RUNDC3B: variants seen among roughly 807,000 people sequenced by gnomAD.
RUNDC3B encodes RUN domain-containing protein 3B.
Under a neutral mutation model 58.4 loss-of-function variants are expected in RUNDC3B, and 33 were observed. The ratio of observed to expected loss-of-function variants is 0.56; its 90% CI spans 0.43 to 0.75. The LOEUF (loss-of-function observed/expected upper bound fraction) is 0.75. Among genes scored for constraint, RUNDC3B ranks in the 30% least tolerant of loss-of-function variants. RUNDC3B has a pLI of 0.00. For synonymous variants in RUNDC3B, 193 were observed against 195.2 expected, an observed-to-expected ratio of 0.99 and a Z score of 0.10; for missense variants, 501 against 535.7, an observed-to-expected ratio of 0.94 and a Z score of 0.64.
chr7:87,758,485 C>T (rs1833496308), intron 6 of RUNDC3B, among the ~76,000 whole-genome samples: 1 of 152,112 alleles, frequency 6.6e-6, no homozygotes, highest in Non-Finnish European at 1.5e-5. Flanking sequence ...GGGATTCCAT[C>T]AAGTTGAAAA....
chr7:87,649,439 A>G (rs1179082649), intron 1 of RUNDC3B, among the ~76,000 whole-genome samples: 1 of 152,172 alleles, frequency 6.6e-6, no homozygotes, highest in Non-Finnish European at 1.5e-5. Flanking sequence ...TTGAAAACAC[A>G]AATGGTAGCA....
At chr7:87,702,160 A>AAAAAC (rs1829129565) in intron 3 of RUNDC3B, among the ~76,000 whole-genome samples, 1 of 150,106 alleles carries the variant, frequency 6.7e-6, no homozygotes, top group African/African-American at 2.4e-5. Context: ...AAAAAAAAAA[A>AAAAAC]AAAAAAAAAA....
chr7:87,647,483 A>C (rs569542796), intron 1 of RUNDC3B, among the ~76,000 whole-genome samples: 16 of 152,296 alleles, frequency 1.1e-4, no homozygotes, highest in African/African-American at 3.8e-4. Flanking sequence ...ACATGTAAAC[A>C]TTGCTACATT....
intron 2 of RUNDC3B, among the ~76,000 whole-genome samples, chr7:87,690,699 C>T (rs1411935289): frequency 2.0e-5 from 3 of 152,110 alleles, no homozygotes; most frequent in African/African-American, 7.2e-5. Context: ...AGATTATAAG[C>T]AACTCGCCTT....
At chr7:87,711,142 C>T (rs994621111) in intron 4 of RUNDC3B, among the ~76,000 whole-genome samples, 6 of 152,002 alleles carry the variant, frequency 3.9e-5, no homozygotes, top group Non-Finnish European at 7.4e-5. Flanking sequence ...GCCTGACCAA[C>T]ATGGATAAAC....
At chr7:87,794,917 G>A (rs551311858) in intron 8 of RUNDC3B, among the ~76,000 whole-genome samples, 32 of 152,160 alleles carry the variant, frequency 2.1e-4, no homozygotes, top group African/African-American at 6.7e-4. Context: ...CCAGATATCC[G>A]TATACTGAAG....
At chr7:87,677,752 A>G (rs1826523888) in intron 2 of RUNDC3B, among the ~76,000 whole-genome samples, 1 of 152,212 alleles carries the variant, frequency 6.6e-6, no homozygotes, top group South Asian at 2.1e-4. Flanking sequence ...TGATAATCAA[A>G]CTTCTAAACA....
intron 2 of RUNDC3B, among the ~76,000 whole-genome samples, chr7:87,651,668 CAGT>C (rs1823583199): frequency 1.3e-5 from 2 of 152,048 alleles, no homozygotes; most frequent in Non-Finnish European, 2.9e-5. Flanking sequence ...AGTTTCACAT[CAGT>C]AGTAGTAACT....
chr7:87,812,868 T>A (rs954714824), intron 9 of RUNDC3B, among the ~76,000 whole-genome samples: 55 of 152,324 alleles, frequency 3.6e-4, no homozygotes, highest in African/African-American at 1.3e-3. Flanking sequence ...TATGGCCTTA[T>A]AAAGACAGAA....
At chr7:87,631,978 T>C (rs1821268957) in intron 1 of RUNDC3B, among the ~76,000 whole-genome samples, 1 of 152,194 alleles carries the variant, frequency 6.6e-6, no homozygotes, top group African/African-American at 2.4e-5. Flanking sequence ...AGGGTAATAA[T>C]GATAAGATAA....
At chr7:87,770,133 T>C (rs1322702635) in intron 6 of RUNDC3B, among the ~76,000 whole-genome samples, 1 of 152,076 alleles carries the variant, frequency 6.6e-6, no homozygotes, top group Non-Finnish European at 1.5e-5. Flanking sequence ...CTTGACACAC[T>C]ACCCTGTATT....
At chr7:87,721,414 A>G (rs946514718) in intron 4 of RUNDC3B, among the ~76,000 whole-genome samples, 3 of 152,096 alleles carry the variant, frequency 2.0e-5, no homozygotes, top group African/African-American at 7.2e-5. Flanking sequence ...TATTTCACGT[A>G]TGAGAGAGTG....
intron 2 of RUNDC3B, among the ~76,000 whole-genome samples, chr7:87,661,549 T>C (rs28803638): frequency 0.1 from 15,939 of 151,838 alleles, 1,058 homozygotes; most frequent in African/African-American, 0.19. Flanking sequence ...TCTTTTGTCA[T>C]TTAACATAAT....
At chr7:87,733,833 C>A (rs539417490) in intron 4 of RUNDC3B, among the ~76,000 whole-genome samples, 1 of 152,312 alleles carries the variant, frequency 6.6e-6, no homozygotes, top group East Asian at 1.9e-4. Context: ...ACCTCCTGCC[C>A]TGCAGCTCCA....
chr7:87,830,608 A>C lies in RUNDC3B; in HGVS notation c.*578A>C, dbSNP rs1032998129. ...CCATTTGGTATCAATTCAGCATTCC[A>C]CTTAACATTTTATAAATTCCATAGG... On this transcript the variant is annotated 3_prime_UTR_variant, in exon 11 of 11. Coordinates refer to ENST00000394654, the MANE Select transcript of RUNDC3B (RefSeq NM_001134405.2). 1.4e-4 allele frequency: 22 copies of C among 151,870 alleles called. No homozygotes were observed. The highest frequency in any genetic ancestry group is 5.3e-4 in the African/African-American group (22 of 41,372). 9.4% of individuals were successfully genotyped at this position (151,870 alleles called of 1,614,324 possible). A position where few individuals can be genotyped will look rare whatever the true frequency, so the allele number is the denominator to read the frequency against.
intron 2 of RUNDC3B, among the ~76,000 whole-genome samples, chr7:87,660,495 C>T (rs1585029056): frequency 6.6e-6 from 1 of 151,878 alleles, no homozygotes; most frequent in East Asian, 1.9e-4. Flanking sequence ...AAGTCTAAAA[C>T]GTTTTTAGTT....
chr7:87,686,382 T>C (rs1827458806), intron 2 of RUNDC3B, among the ~76,000 whole-genome samples: 1 of 151,796 alleles, frequency 6.6e-6, no homozygotes, highest in South Asian at 2.1e-4. Flanking sequence ...CACAAAGGAG[T>C]ATATCTGTTT....
intron 4 of RUNDC3B, among the ~76,000 whole-genome samples, chr7:87,733,123 T>A (rs1026615002): frequency 3.3e-5 from 5 of 149,690 alleles, no homozygotes; most frequent in Non-Finnish European, 6.0e-5. Flanking sequence ...CTTATCCATA[T>A]GGACAGGCGC....
At chr7:87,672,944 G>A (rs536956380) in intron 2 of RUNDC3B, among the ~76,000 whole-genome samples, 35 of 152,200 alleles carry the variant, frequency 2.3e-4, no homozygotes, top group African/African-American at 7.7e-4. Context: ...ATATTAACTT[G>A]TCTTTCTCTA....
Sources: allele counts gnomAD v4.1 joint callset (sites outside exome capture counted in the v4.1 genomes callset), GRCh38; gene constraint gnomAD v4.1.1; transcripts MANE v1.5; gene names NCBI Gene and HGNC (gene_info 2026-07-23, HGNC 2026-07-21).